The following FUT9 variants were observed in gnomAD, a reference collection of about 807,000 sequenced individuals.
FUT9 encodes the protein fucosyltransferase 9.
A neutral mutation model predicts 29.7 loss-of-function variants in FUT9; 15 were observed. The ratio of observed to expected loss-of-function variants is 0.51; its 90% CI spans 0.34 to 0.78. The LOEUF (loss-of-function observed/expected upper bound fraction) is 0.78, where lower values mean the gene tolerates loss of function less well. Among genes scored for constraint, FUT9 ranks in the 30% least tolerant of loss-of-function variants. The pLI is 0.01. For synonymous variants in FUT9, 169 were observed against 153.7 expected (o/e 1.10, Z -0.74); for missense variants, 319 against 425.4 (o/e 0.75, Z 2.20).
intron 2 of FUT9, among the ~76,000 whole-genome samples, chr6:96,174,540 A>G (rs1004875212): frequency 3.9e-5 from 6 of 152,140 alleles, no homozygotes; most frequent in African/African-American, 1.4e-4. Context: ...GCAGGCAGAG[A>G]ATGAAGAGAC....
chr6:96,027,566 A>T (rs1230426965), intron 1 of FUT9, among the ~76,000 whole-genome samples: 1 of 151,406 alleles, frequency 6.6e-6, no homozygotes. Context: ...AATCTGGTGT[A>T]CTTCTCCCCT....
chr6:96,207,819 GAATA>G lies in FUT9; in HGVS notation c.*3592_*3595del, dbSNP rs888635636. 4 of 166,696 alleles carry G rather than the reference GAATA, an allele frequency of 2.4e-5. No homozygotes were observed. Among genetic ancestry groups the G allele is most frequent in the African/African-American group, 4.8e-5 (2 of 41,360 alleles). The allele number at this position is 166,696 out of a possible 1,614,324, so 10.3% of individuals were successfully genotyped here. A position where few individuals can be genotyped will look rare whatever the true frequency, so the allele number is the denominator to read the frequency against. On this transcript the variant is annotated 3_prime_UTR_variant, in exon 3 of 3. Transcript: ENST00000302103. Reference sequence around the variant, plus strand: ...TATTAATTATTGTAGACATCAGTAAGAATAAATAAATGTTAATCATTATAGACCT... The same window carrying G: ...TATTAATTATTGTAGACATCAGTAAGAATAAATGTTAATCATTATAGACCT...
intron 2 of FUT9, among the ~76,000 whole-genome samples, chr6:96,133,877 T>C (rs1341144337): frequency 2.0e-5 from 3 of 151,950 alleles, no homozygotes; most frequent in African/African-American, 7.2e-5. Context: ...GTCTTATGAT[T>C]TTCTAACTAT....
In FUT9 at chr6:96,212,933, T is replaced by A. The variant is rs1194588207; in HGVS notation, c.*8698T>A. The A allele has an allele frequency of 6.0e-6, 1 of 166,892 alleles. No homozygotes were observed. Among genetic ancestry groups the A allele is most frequent in the Admixed American group, 6.6e-5 (1 of 15,246 alleles). 10.3% of individuals were successfully genotyped at this position (166,892 alleles called of 1,614,324 possible). A position where few individuals can be genotyped will look rare whatever the true frequency, so the allele number is the denominator to read the frequency against. On this transcript the variant is annotated 3_prime_UTR_variant, in exon 3 of 3. Transcript: ENST00000302103. ...TTTCACAATCTGCTGTATAATTCAC[T>A]AACATTTCTGAGCCATAGATTTTTA... is the stretch of plus-strand genomic sequence containing the variant.
intron 2 of FUT9, among the ~76,000 whole-genome samples, chr6:96,166,296 C>T (rs1034144227): frequency 1.3e-5 from 2 of 152,118 alleles, no homozygotes; most frequent in African/African-American, 4.8e-5. Flanking sequence ...ACCTGAGAAG[C>T]ATAGTAATGT....
At chr6:96,181,749 G>T (rs1773313523) in intron 2 of FUT9, among the ~76,000 whole-genome samples, 1 of 151,986 alleles carries the variant, frequency 6.6e-6, no homozygotes, top group African/African-American at 2.4e-5. Flanking sequence ...TTCTGCGGAT[G>T]TCATTATTTT....
chr6:96,140,397 C>A (rs112075299), intron 2 of FUT9, among the ~76,000 whole-genome samples: 1 of 110,926 alleles, frequency 9.0e-6, no homozygotes, highest in Non-Finnish European at 2.2e-5. Flanking sequence ...GACCTCCAAA[C>A]TATTCCAACC....
intron 1 of FUT9, among the ~76,000 whole-genome samples, chr6:96,082,137 T>A (rs528131323): frequency 7.0e-4 from 106 of 151,934 alleles, no homozygotes; most frequent in Admixed American, 1.4e-3. Flanking sequence ...TTATGGCATA[T>A]TCAGTTAATA....
intron 1 of FUT9, among the ~76,000 whole-genome samples, chr6:96,059,467 G>T (rs897932299): frequency 2.6e-5 from 4 of 152,214 alleles, no homozygotes; most frequent in Non-Finnish European, 5.9e-5. Flanking sequence ...TGGACCATGT[G>T]TATGTGGCAG....
chr6:96,174,082 T>G (rs1393076034), intron 2 of FUT9, among the ~76,000 whole-genome samples: 1 of 152,130 alleles, frequency 6.6e-6, no homozygotes, highest in Non-Finnish European at 1.5e-5. Flanking sequence ...TATGCAATCC[T>G]GTGGCCCAGT....
intron 1 of FUT9, among the ~76,000 whole-genome samples, chr6:96,019,841 C>T (rs1770038365): frequency 6.6e-6 from 1 of 152,080 alleles, no homozygotes; most frequent in Non-Finnish European, 1.5e-5. Flanking sequence ...CTACTAATGA[C>T]TTGCTCAAAG....
At chr6:96,050,754 T>C (rs999660012) in intron 1 of FUT9, among the ~76,000 whole-genome samples, 3 of 152,216 alleles carry the variant, frequency 2.0e-5, no homozygotes, top group African/African-American at 7.2e-5. Flanking sequence ...TTAGAAAGAT[T>C]ACCTCAGAGT....
chr6:96,100,869 T>C (rs1406583150), intron 1 of FUT9, among the ~76,000 whole-genome samples: 1 of 152,204 alleles, frequency 6.6e-6, no homozygotes, highest in African/African-American at 2.4e-5. Flanking sequence ...AAGATACTCT[T>C]GGCTGTGACA....
chr6:96,176,122 C>T (rs907344201), intron 2 of FUT9, among the ~76,000 whole-genome samples: 19 of 152,196 alleles, frequency 1.2e-4, no homozygotes, highest in Non-Finnish European at 2.1e-4. Context: ...TCTCTACCTT[C>T]AGCCTTGGAC....
At chr6:96,150,030 T>G (rs1390911476) in intron 2 of FUT9, among the ~76,000 whole-genome samples, 1 of 152,178 alleles carries the variant, frequency 6.6e-6, no homozygotes, top group East Asian at 1.9e-4. Flanking sequence ...GTAACCATCA[T>G]TCTATTCTCT....
chr6:96,183,036 G>A (rs1773338526), intron 2 of FUT9, among the ~76,000 whole-genome samples: 1 of 151,958 alleles, frequency 6.6e-6, no homozygotes, highest in Non-Finnish European at 1.5e-5. Context: ...TGGCAGTATG[G>A]TTATTTTCAC....
chr6:96,028,714 C>G (rs973704260), intron 1 of FUT9, among the ~76,000 whole-genome samples: 2 of 151,316 alleles, frequency 1.3e-5, no homozygotes, highest in African/African-American at 4.8e-5. Flanking sequence ...TTGGATAATC[C>G]AATTCGATAA....
At chr6:96,096,683 C>CGTGTGTGTGTGT (rs1485446008) in intron 1 of FUT9, among the ~76,000 whole-genome samples, 2 of 5,150 alleles carry the variant, frequency 3.9e-4, no homozygotes, top group Non-Finnish European at 7.4e-4. Flanking sequence ...GTGTCTAAGG[C>CGTGTGTGTGTGT]ATGTGTGTGT....
intron 1 of FUT9, among the ~76,000 whole-genome samples, chr6:96,072,528 T>G (rs1160643433): frequency 6.6e-6 from 1 of 152,178 alleles, no homozygotes; most frequent in Non-Finnish European, 1.5e-5. Context: ...ATGTTTAAAA[T>G]TACTATTCCA....
Sources: allele counts gnomAD v4.1 joint callset (sites outside exome capture counted in the v4.1 genomes callset), GRCh38; gene constraint gnomAD v4.1.1; transcripts MANE v1.5; gene names NCBI Gene and HGNC (gene_info 2026-07-23, HGNC 2026-07-21).